GPC5: variants seen among roughly 807,000 people sequenced by gnomAD.
The protein encoded by GPC5 is glypican-5.
GPC5 carries 47 observed loss-of-function variants against 53.9 expected under a neutral mutation model. That is an observed-to-expected ratio of 0.87 (90% CI 0.69 to 1.11). The LOEUF (loss-of-function observed/expected upper bound fraction) is 1.11, where lower values mean the gene tolerates loss of function less well. Ranked by LOEUF, GPC5 falls within the 50% of genes most tolerant of loss-of-function variation. GPC5 has a pLI of 0.00. For missense variants in GPC5, 748 were observed against 713.1 expected (o/e 1.05, Z -0.56); for synonymous variants, 286 against 263.3 (o/e 1.09, Z -0.84).
intron 3 of GPC5, among the ~76,000 whole-genome samples, chr13:91,722,051 T>G (rs765682839): frequency 6.6e-6 from 1 of 152,222 alleles, no homozygotes; most frequent in Non-Finnish European, 1.5e-5. Context: ...GTGTATTGAT[T>G]GACATTGTCA....
intron 6 of GPC5, among the ~76,000 whole-genome samples, chr13:92,003,285 C>T (rs2040572808): frequency 6.8e-6 from 1 of 146,408 alleles, no homozygotes; most frequent in Non-Finnish European, 1.5e-5. Flanking sequence ...GGCACCACTG[C>T]ACCCCAGCCT....
chr13:92,794,648 C>CA (rs1876590812), intron 7 of GPC5, among the ~76,000 whole-genome samples: 1 of 152,070 alleles, frequency 6.6e-6, no homozygotes, highest in Non-Finnish European at 1.5e-5. Flanking sequence ...TCGTCTCAGC[C>CA]AAAAATCTCC....
chr13:92,724,858 G>T (rs1163074590), intron 7 of GPC5, among the ~76,000 whole-genome samples: 2 of 133,654 alleles, frequency 1.5e-5, no homozygotes, highest in Non-Finnish European at 3.4e-5. Context: ...GGGTAGATTT[G>T]TTAAGTGTCC....
chr13:91,907,499 C>A (rs201611577), intron 5 of GPC5, among the ~76,000 whole-genome samples: 2 of 71,032 alleles, frequency 2.8e-5, no homozygotes, highest in East Asian at 8.8e-4. Context: ...CTCTCTCTCT[C>A]TCTTTATATA....
At chr13:91,577,578 C>T (rs1289469997) in intron 2 of GPC5, among the ~76,000 whole-genome samples, 1 of 152,182 alleles carries the variant, frequency 6.6e-6, no homozygotes, top group Non-Finnish European at 1.5e-5. Flanking sequence ...GACTTTCTTC[C>T]TCCATGTAAT....
chr13:91,661,112 G>A (rs929007201), intron 2 of GPC5, among the ~76,000 whole-genome samples: 1 of 152,056 alleles, frequency 6.6e-6, no homozygotes, highest in Non-Finnish European at 1.5e-5. Context: ...TAAGGCAAGG[G>A]TCACCGAGAG....
intron 7 of GPC5, among the ~76,000 whole-genome samples, chr13:92,159,631 G>C (rs1227093617): frequency 9.2e-6 from 1 of 108,188 alleles, no homozygotes; most frequent in Non-Finnish European, 1.7e-5. Context: ...GAGACAGAGT[G>C]TCGCTCCGTC....
At chr13:92,863,834 T>C (rs1566450528) in intron 7 of GPC5, among the ~76,000 whole-genome samples, 1 of 152,184 alleles carries the variant, frequency 6.6e-6, no homozygotes, top group Non-Finnish European at 1.5e-5. Context: ...TGTCTCTGTG[T>C]AATAATATTT....
chr13:91,595,572 T>A (rs1236595999), intron 2 of GPC5, among the ~76,000 whole-genome samples: 1 of 152,206 alleles, frequency 6.6e-6, no homozygotes, highest in East Asian at 1.9e-4. Context: ...GTTTTCCAAG[T>A]TGTCTTTTTT....
In GPC5 at chr13:92,588,289, T is replaced by C. The variant is rs531131652; in HGVS notation, c.1562-277993T>C. The stretch of plus-strand genomic sequence containing the variant: ...TTTATGGCTGCATAGTATTCCATGG[T>C]GTAAATGTACCACATTTCCTTTATC... On this transcript the variant is annotated intron_variant, in intron 7 of 7. Coordinates refer to ENST00000377067, the MANE Select transcript of GPC5 (RefSeq NM_004466.6). Among the ~76,000 whole-genome samples, 196 of 152,322 alleles carry C rather than the reference T, an allele frequency of 1.3e-3. 6 individuals carry two copies. In the South Asian group the frequency reaches 0.038, roughly 30 times the overall value.
chr13:91,403,410 G>T (rs1228948014), intron 1 of GPC5, among the ~76,000 whole-genome samples: 1 of 152,282 alleles, frequency 6.6e-6, no homozygotes, highest in African/African-American at 2.4e-5. Flanking sequence ...TTAATGAAGT[G>T]GGGCAATTCA....
intron 5 of GPC5, among the ~76,000 whole-genome samples, chr13:91,901,577 G>GT (rs1407479468): frequency 9.9e-5 from 15 of 152,142 alleles, no homozygotes; most frequent in South Asian, 2.1e-4. Flanking sequence ...TATTTCCCAA[G>GT]TATTTGAGGA....
intron 7 of GPC5, among the ~76,000 whole-genome samples, chr13:92,337,232 A>C (rs2043330974): frequency 6.6e-6 from 1 of 152,130 alleles, no homozygotes; most frequent in South Asian, 2.1e-4. Flanking sequence ...GTACACATTG[A>C]ACAAAATATC....
intron 5 of GPC5, among the ~76,000 whole-genome samples, chr13:91,837,197 A>G (rs1346301640): frequency 6.6e-6 from 1 of 151,908 alleles, no homozygotes; most frequent in East Asian, 1.9e-4. Flanking sequence ...TATCTAAATT[A>G]CTATTAGAAA....
intron 6 of GPC5, among the ~76,000 whole-genome samples, chr13:92,083,016 A>G (rs1327630408): frequency 6.6e-6 from 1 of 152,132 alleles, no homozygotes; most frequent in Admixed American, 6.6e-5. Flanking sequence ...GCTTATAAAT[A>G]CTCATTTATT....
chr13:92,594,898 T>A (rs574755411), intron 7 of GPC5, among the ~76,000 whole-genome samples: 2 of 152,354 alleles, frequency 1.3e-5, no homozygotes, highest in Non-Finnish European at 2.9e-5. Context: ...TTATGTAATT[T>A]GGATGTGATT....
intron 2 of GPC5, among the ~76,000 whole-genome samples, chr13:91,649,980 A>G (rs2034657936): frequency 6.6e-6 from 1 of 151,894 alleles, no homozygotes; most frequent in Non-Finnish European, 1.5e-5. Flanking sequence ...AATGGCACAT[A>G]GAGTCCCATT....
At chr13:92,574,589 G>T (rs969425444) in intron 7 of GPC5, among the ~76,000 whole-genome samples, 1 of 151,994 alleles carries the variant, frequency 6.6e-6, no homozygotes, top group South Asian at 2.1e-4. Context: ...TTATATTCAT[G>T]TGAAAGAACT....
rs367593208 is a variant in GPC5 at position 92,210,050 on chromosome 13, G to T, written c.1561+65061G>T. On this transcript the variant is annotated intron_variant, in intron 7 of 7. Transcript: ENST00000377067. ...TTCTAGCCATGCTGGCAGCTGATTA[G>T]ATTGTGCCCACCCAGATTGAGGGTG... Among the ~76,000 whole-genome samples, 11 of 152,198 alleles carry T rather than the reference G, an allele frequency of 7.2e-5. No individual in the cohort carries two copies. The East Asian group carries it at 1.2e-3, about 16-fold the overall frequency.
Sources: allele counts gnomAD v4.1 joint callset (sites outside exome capture counted in the v4.1 genomes callset), GRCh38; gene constraint gnomAD v4.1.1; transcripts MANE v1.5; gene names NCBI Gene and HGNC (gene_info 2026-07-23, HGNC 2026-07-21).